DACH1: variants seen among roughly 807,000 people sequenced by gnomAD.
DACH1 encodes the protein dachshund family transcription factor 1, also known as dachshund homolog 1.
Under a neutral mutation model 54.2 loss-of-function variants are expected in DACH1, and 12 were observed. The ratio of observed to expected loss-of-function variants is 0.22; its 90% CI spans 0.14 to 0.36. DACH1 has a LOEUF of 0.36. Among genes scored for constraint, DACH1 ranks in the 10% least tolerant of loss-of-function variants. The pLI is 1.00. For missense variants in DACH1, 805 were observed against 929.8 expected (o/e 0.87, Z 1.75); for synonymous variants, 386 against 366.2 (o/e 1.05, Z -0.62).
At chr13:71,857,449 A>G (rs973057186) in intron 1 of DACH1, among the ~76,000 whole-genome samples, 1 of 151,300 alleles carries the variant, frequency 6.6e-6, no homozygotes, top group Non-Finnish European at 1.5e-5. Context: ...ACAGGTGTAT[A>G]TGTTATGTTT....
intron 10 of DACH1, among the ~76,000 whole-genome samples, chr13:71,457,528 A>G (rs1424395577): frequency 2.0e-5 from 3 of 150,682 alleles, no homozygotes; most frequent in African/African-American, 4.9e-5. Context: ...AACTCCCACG[A>G]AAAAAAAAGC....
Position 71,775,158 on chromosome 13 carries a change from T to A in DACH1, c.848+90764A>T, listed in dbSNP as rs919144287. 9.6e-5 allele frequency among the ~76,000 whole-genome samples: 12 copies of A among 125,464 alleles called. No individual in the cohort carries two copies. The East Asian group carries it at 1.5e-3, about 16-fold the overall frequency. 82.3% of individuals were successfully genotyped at this position (125,464 alleles called of 152,430 possible). ...TTTTTTTTTTTTTTTTTTTTTTTTT[T>A]AAATTAGCTAGGTGCTCGCCTGTAA... On this transcript the variant is annotated intron_variant, in intron 1 of 10. Coordinates refer to ENST00000613252, the MANE Select transcript of DACH1 (RefSeq NM_080759.6).
At chr13:71,540,675 G>C (rs1344851043) in intron 6 of DACH1, among the ~76,000 whole-genome samples, 1 of 151,982 alleles carries the variant, frequency 6.6e-6, no homozygotes, top group East Asian at 1.9e-4. Flanking sequence ...TTACAATGGA[G>C]TAAAGATCAT....
At chr13:71,810,300 T>C (rs1887663737) in intron 1 of DACH1, among the ~76,000 whole-genome samples, 1 of 152,188 alleles carries the variant, frequency 6.6e-6, no homozygotes, top group Non-Finnish European at 1.5e-5. Flanking sequence ...CAGGTTTATC[T>C]AATGCCAAAG....
chr13:71,812,047 T>G (rs1190293252), intron 1 of DACH1, among the ~76,000 whole-genome samples: 2 of 152,216 alleles, frequency 1.3e-5, no homozygotes, highest in Admixed American at 6.5e-5. Flanking sequence ...TTTAAAACTG[T>G]GCTCCCACTA....
intron 1 of DACH1, among the ~76,000 whole-genome samples, chr13:71,774,562 TTA>T (rs1231302483): frequency 1.3e-5 from 2 of 152,096 alleles, no homozygotes; most frequent in Non-Finnish European, 2.9e-5. Context: ...TATAATTTAG[TTA>T]TGATACCAAC....
chr13:71,577,847 A>G (rs1368635478), intron 3 of DACH1, among the ~76,000 whole-genome samples: 1 of 152,180 alleles, frequency 6.6e-6, no homozygotes, highest in African/African-American at 2.4e-5. Flanking sequence ...TAAAAACACA[A>G]TAACAATTTT....
chr13:71,605,592 A>G (rs2138503278), intron 3 of DACH1, among the ~76,000 whole-genome samples: 1 of 152,148 alleles, frequency 6.6e-6, no homozygotes, highest in East Asian at 1.9e-4. Context: ...ATGTATGCTT[A>G]TATCATTTTT....
At chr13:71,576,067 A>G (rs1885508284) in intron 3 of DACH1, among the ~76,000 whole-genome samples, 1 of 135,876 alleles carries the variant, frequency 7.4e-6, no homozygotes, top group African/African-American at 3.3e-5. Context: ...TATATGCACT[A>G]TGCTTAACAC....
chr13:71,795,797 A>G (rs1421474283), intron 1 of DACH1, among the ~76,000 whole-genome samples: 1 of 152,198 alleles, frequency 6.6e-6, no homozygotes, highest in Admixed American at 6.5e-5. Flanking sequence ...TGAGCACTAT[A>G]ATATCTTCCC....
chr13:71,717,551 C>T (rs1443319367), intron 1 of DACH1, among the ~76,000 whole-genome samples: 1 of 149,718 alleles, frequency 6.7e-6, no homozygotes, highest in East Asian at 2.0e-4. Context: ...CACATTAATT[C>T]TATGCCTCTA....
At chr13:71,810,990 A>G (rs762609356) in intron 1 of DACH1, among the ~76,000 whole-genome samples, 2 of 152,138 alleles carry the variant, frequency 1.3e-5, no homozygotes, top group Non-Finnish European at 2.9e-5. Context: ...CTACTGAACC[A>G]GAACATTTTT....
At chr13:71,592,939 G>T (rs1873840522) in intron 3 of DACH1, among the ~76,000 whole-genome samples, 2 of 152,034 alleles carry the variant, frequency 1.3e-5, no homozygotes, top group South Asian at 4.1e-4. Flanking sequence ...TTTATATAAT[G>T]GTTTCAATTT....
intron 4 of DACH1, among the ~76,000 whole-genome samples, chr13:71,571,523 T>A (rs1233655127): frequency 6.6e-6 from 1 of 152,148 alleles, no homozygotes; most frequent in African/African-American, 2.4e-5. Flanking sequence ...GATAACAATG[T>A]GGCACTCACT....
chr13:71,866,418 C>A lies in DACH1; in HGVS notation c.352G>T (p.Gly118Cys), dbSNP rs1465784241. The change falls in exon 1 of 11, where the codon GGC becomes TGC. Residue 118 changes from glycine to cysteine, a missense_variant. This residue lies in a region of DACH1 where 305 missense variants were observed against 308.7 expected (regional missense o/e 0.99). Coordinates refer to ENST00000613252, the MANE Select transcript of DACH1 (RefSeq NM_080759.6). The stretch of plus-strand genomic sequence containing the variant: ...CCGCCAGCGCTGATGCCGCCGCCGC[C>A]GCCGCCGCTGCCGTTGCTCGCGGCC... ...LAAASNGSGG[G>C]GGGISAGGGV... The A allele has an allele frequency of 1.4e-5, 20 of 1,427,694 alleles. No individual in the cohort carries two copies. The highest frequency in any genetic ancestry group is 1.8e-5 in the Non-Finnish European group (20 of 1,085,504). 88.4% of individuals were successfully genotyped at this position (1,427,694 alleles called of 1,614,324 possible). A position where few individuals can be genotyped will look rare whatever the true frequency, so the allele number is the denominator to read the frequency against.
intron 1 of DACH1, among the ~76,000 whole-genome samples, chr13:71,797,085 C>A (rs1710432444): frequency 1.3e-5 from 2 of 151,768 alleles, no homozygotes; most frequent in African/African-American, 4.8e-5. Flanking sequence ...ATAATATTCT[C>A]CTTTCTCACT....
chr13:71,742,941 A>G (rs959115191), intron 1 of DACH1, among the ~76,000 whole-genome samples: 6 of 152,144 alleles, frequency 3.9e-5, no homozygotes, highest in African/African-American at 1.4e-4. Flanking sequence ...CTTGTGGTAA[A>G]GTTTCTCCCC....
intron 1 of DACH1, among the ~76,000 whole-genome samples, chr13:71,724,434 AT>A (rs1310689837): frequency 6.6e-6 from 1 of 152,174 alleles, no homozygotes; most frequent in African/African-American, 2.4e-5. Flanking sequence ...AATATATTCA[AT>A]GCATGCCAAT....
At chr13:71,452,622 T>C (rs1252235094) in intron 10 of DACH1, among the ~76,000 whole-genome samples, 1 of 152,204 alleles carries the variant, frequency 6.6e-6, no homozygotes, top group African/African-American at 2.4e-5. Flanking sequence ...AATGAGGTTT[T>C]TGAGAAGTTT....
Sources: gnomAD v4.1 joint callset for allele counts (sites outside exome capture counted in the v4.1 genomes callset) on GRCh38, gnomAD v4.1.1 for gene constraint, gnomAD v4.1.1 regional missense constraint, MANE v1.5 for transcripts, NCBI Gene and HGNC (gene_info 2026-07-23, HGNC 2026-07-21) for gene names.